RETSAT: variants seen among roughly 807,000 people sequenced by gnomAD.
RETSAT encodes retinol saturase, also known as all-trans-retinol 13,14-reductase.
A neutral mutation model predicts 61.6 loss-of-function variants in RETSAT; 35 were observed. The observed-to-expected ratio is 0.57, with a 90% CI of 0.43 to 0.75. RETSAT has a LOEUF of 0.75. RETSAT is among the 30% of genes least tolerant of loss of function. The pLI is 0.00. For synonymous variants in RETSAT, 277 were observed against 310.4 expected (o/e 0.89, Z 1.13); for missense variants, 670 against 759.5 (o/e 0.88, Z 1.38).
intron 2 of RETSAT, 48 bp from the exon 3 acceptor site, chr2:85,351,069 G>A: frequency 6.2e-7 from 1 of 1,604,528 alleles, no homozygotes; most frequent in Non-Finnish European, 8.5e-7. Flanking sequence ...TGGGGATTGA[G>A]CCCTGGAAAG....
At chr2:85,351,489 G>T in intron 2 of RETSAT, 191 bp downstream of exon 2, 1 of 571,564 alleles carries the variant, frequency 1.7e-6, no homozygotes, top group Non-Finnish European at 3.0e-6. Flanking sequence ...CAGTAAGCTG[G>T]GATCACACCA....
intron 6 of RETSAT, chr2:85,345,464 C>T (rs1255425424): frequency 7.0e-6 from 2 of 286,916 alleles, no homozygotes; most frequent in Non-Finnish European, 1.4e-5. Context: ...TCCATGCTCT[C>T]CAGCTCCCGC....
rs1004382356 is a variant in RETSAT at position 85,350,633 on chromosome 2, G to A, written c.597+147C>T. 24 of 908,998 alleles carry A rather than the reference G, an allele frequency of 2.6e-5. No homozygotes were observed. In the African/African-American group the frequency reaches 3.3e-4, roughly 13 times the overall value. 56.3% of individuals were successfully genotyped at this position (908,998 alleles called of 1,614,324 possible). ...GAGAGACAGAGAACTGGATGGACTT[G>A]GGTGGAGGCTGAGCTAAGAACAGAT... On this transcript the variant is annotated intron_variant, in intron 3 of 10. Coordinates refer to ENST00000295802, the MANE Select transcript of RETSAT (RefSeq NM_017750.4).
chr2:85,348,798 C>T (rs1054826705), intron 5 of RETSAT, among the ~76,000 whole-genome samples: 6 of 150,458 alleles, frequency 4.0e-5, no homozygotes, highest in African/African-American at 7.3e-5. Context: ...TCGCCCAGGC[C>T]GGAGTGCGGT....
chr2:85,345,343 C>G (rs1171618833), intron 6 of RETSAT, among the ~76,000 whole-genome samples: 1 of 152,216 alleles, frequency 6.6e-6, no homozygotes, highest in Non-Finnish European at 1.5e-5. Flanking sequence ...TCCCCTTCCC[C>G]GGCTCCTCAG....
intron 5 of RETSAT, among the ~76,000 whole-genome samples, chr2:85,349,063 T>A (rs116178396): frequency 6.6e-6 from 1 of 151,710 alleles, no homozygotes; most frequent in Non-Finnish European, 1.5e-5. Context: ...TTTTGTTTTT[T>A]TTTTTTTAAA....
chr2:85,343,307 G>A lies in RETSAT; in HGVS notation c.1768C>T (p.Arg590Trp), dbSNP rs71337784. The A allele has an allele frequency of 6.6e-5, 106 of 1,614,110 alleles. No individual in the cohort carries two copies. The highest frequency in any genetic ancestry group is 1.5e-4 in the Admixed American group (9 of 60,000). ...ALLCSSAILK[R>W]NLYSDLKNLD... ...TTCTTAAGGTCTGAGTACAAGTTCCGCTTCAGGATGGCGCTGCTGCACAGC... is the reference window on the plus strand; with the variant it reads ...TTCTTAAGGTCTGAGTACAAGTTCCACTTCAGGATGGCGCTGCTGCACAGC... Residue 590 changes from arginine to tryptophan, a missense_variant, in exon 11 of 11, where the codon CGG becomes TGG. Transcript: ENST00000295802.
intron 3 of RETSAT, 21 bp from the exon 4 acceptor site, chr2:85,350,262 A>T (rs1231531348): frequency 5.1e-6 from 8 of 1,576,884 alleles, no homozygotes; most frequent in South Asian, 3.3e-5. Context: ...GAATGAGGAC[A>T]GCAGGCCTCA....
chr2:85,346,123 C>T, intron 5 of RETSAT, 29 bp from the exon 6 acceptor site: 1 of 1,598,084 alleles, frequency 6.3e-7, no homozygotes, highest in Non-Finnish European at 8.5e-7. Context: ...GGCTGAGGGT[C>T]TGTGAGCTCT....
Position 85,351,829 on chromosome 2 carries a change from TCC to T in RETSAT, c.204_205del (p.Asp69CysfsTer19), listed in dbSNP as rs1408177451. 1 of 1,613,998 alleles carries T rather than the reference TCC, an allele frequency of 6.2e-7. No homozygotes were observed. Among genetic ancestry groups the T allele is most frequent in the Non-Finnish European group, 8.5e-7 (1 of 1,179,982 alleles). On this transcript the variant is annotated frameshift_variant, in exon 2 of 11. Coordinates refer to ENST00000295802, the MANE Select transcript of RETSAT (RefSeq NM_017750.4). LOFTEE classifies it high-confidence loss of function. The stretch of plus-strand genomic sequence containing the variant: ...AAAGCCACTGCCAATTACCACCACA[TCC>T]AGCTTCTCCGGCACTTGGTTGGCTG...
intron 4 of RETSAT, 124 bp from the exon 5 acceptor site, chr2:85,349,705 G>T: frequency 2.3e-6 from 2 of 855,160 alleles, no homozygotes; most frequent in South Asian, 3.2e-5. Context: ...TGTTCCTCAG[G>T]GTCCAAGGCA....
intron 1 of RETSAT, among the ~76,000 whole-genome samples, chr2:85,354,021 G>A (rs1278367057): frequency 6.6e-6 from 1 of 152,252 alleles, no homozygotes; most frequent in African/African-American, 2.4e-5. Flanking sequence ...ACCAAGTGGA[G>A]GAATGAGTCA....
At position 85,350,208 on chromosome 2, in the gene RETSAT, A is replaced by G; in HGVS notation, c.631T>C (p.Leu211=). 6.2e-7 allele frequency: 1 copy of G among 1,613,936 alleles called. No individual in the cohort carries two copies. The highest frequency in any genetic ancestry group is 8.5e-7 in the Non-Finnish European group (1 of 1,179,996). ...VSSGAPHAIL[L]KFLPLPVVQL... ...ACCACGGGCAATGGGAGGAATTTCA[A>G]CAGGATGGCATGAGGGGCTCCACTG... Residue 211 remains leucine, a synonymous_variant, in exon 4 of 11, where the codon TTG becomes CTG. Coordinates refer to ENST00000295802, the MANE Select transcript of RETSAT (RefSeq NM_017750.4).
At chr2:85,347,448 C>T (rs941194130) in intron 5 of RETSAT, among the ~76,000 whole-genome samples, 1 of 152,108 alleles carries the variant, frequency 6.6e-6, no homozygotes, top group Non-Finnish European at 1.5e-5. Flanking sequence ...AGGCTGGTCT[C>T]GAACTCCTGA....
intron 1 of RETSAT, 48 bp downstream of exon 1, chr2:85,354,288 T>G: frequency 1.9e-5 from 31 of 1,605,200 alleles, no homozygotes; most frequent in Non-Finnish European, 2.4e-5. Context: ...CCCAAATCTG[T>G]GAGAAAGCCT....
At chr2:85,351,091 A>G in intron 2 of RETSAT, 70 bp from the exon 3 acceptor site, 1 of 1,580,324 alleles carries the variant, frequency 6.3e-7, no homozygotes, top group Non-Finnish European at 8.6e-7. Context: ...TGGCTGAGGA[A>G]GTGAGGTGGA....
At chr2:85,351,546 CAAAG>C (rs1275554691) in intron 2 of RETSAT, 130 bp downstream of exon 2, 6 of 918,588 alleles carry the variant, frequency 6.5e-6, no homozygotes, top group Non-Finnish European at 9.9e-6. Context: ...CTGAAACAAA[CAAAG>C]AAAAAAAGTA....
chr2:85,345,938 G>A (rs761333054), intron 6 of RETSAT, 37 bp downstream of exon 6: 2 of 1,613,726 alleles, frequency 1.2e-6, no homozygotes, highest in Non-Finnish European at 1.7e-6. Flanking sequence ...ACACATTGGG[G>A]AACCTGCAAG....
In RETSAT at chr2:85,346,025, A is replaced by G. The variant is rs1199328292; in HGVS notation, c.1067T>C (p.Leu356Pro). 2 of 1,614,200 alleles carry G rather than the reference A, an allele frequency of 1.2e-6. No homozygotes were observed. The highest frequency in any genetic ancestry group is 1.3e-5 in the African/African-American group (1 of 75,052). The change falls in exon 6 of 11, where the codon CTG becomes CCG. Residue 356 changes from leucine (L) to proline (P), a missense_variant. Physicochemically the swap from Leu to Pro is moderately conservative, Grantham distance 98 (BLOSUM62 -3). Coordinates refer to ENST00000295802, the MANE Select transcript of RETSAT (RefSeq NM_017750.4). ...YCPIVVSNAG[L>P]FNTYEHLLPG... The stretch of plus-strand genomic sequence containing the variant: ...CAGTAGGTGTTCATAGGTGTTGAAC[A>G]GTCCTGCGTTGGAGACCACGATGGG...
Sources: allele counts gnomAD v4.1 joint callset (sites outside exome capture counted in the v4.1 genomes callset), GRCh38; gene constraint gnomAD v4.1.1; transcripts MANE v1.5; gene names NCBI Gene and HGNC (gene_info 2026-07-23, HGNC 2026-07-21).